The following MNAT1 variants were observed in gnomAD, a reference collection of about 807,000 sequenced individuals.
The protein encoded by MNAT1 is MNAT1 component of CDK activating kinase.
In MNAT1, 43 loss-of-function variants were observed where a neutral mutation model predicts 42.0. That is an observed-to-expected ratio of 1.02 (90% CI 0.80 to 1.32). The LOEUF is 1.32. MNAT1 is among the 40% of genes most tolerant of loss of function. The pLI is 0.00. For missense variants in MNAT1, 306 were observed against 350.4 expected (o/e 0.87, Z 1.01); for synonymous variants, 118 against 120.0 (o/e 0.98, Z 0.11).
intron 7 of MNAT1, among the ~76,000 whole-genome samples, chr14:60,929,166 A>ATATAT (rs1355535249): frequency 1.7e-4 from 18 of 106,644 alleles, no homozygotes; most frequent in African/African-American, 4.9e-4. Flanking sequence ...AAAAAAAAAA[A>ATATAT]AAAAATATAT....
At chr14:60,866,140 G>GA (rs1399113419) in intron 6 of MNAT1, among the ~76,000 whole-genome samples, 1 of 152,006 alleles carries the variant, frequency 6.6e-6, no homozygotes. Flanking sequence ...GAAAAATTTT[G>GA]AAACAGCATA....
intron 5 of MNAT1, among the ~76,000 whole-genome samples, chr14:60,817,321 G>C (rs142992729): frequency 5.7e-4 from 86 of 151,820 alleles, no homozygotes; most frequent in African/African-American, 2.0e-3. Flanking sequence ...CTTTGGTGTA[G>C]AATATAAAAG....
intron 7 of MNAT1, among the ~76,000 whole-genome samples, chr14:60,958,792 A>G (rs1435374838): frequency 6.6e-6 from 1 of 150,444 alleles, no homozygotes; most frequent in African/African-American, 2.4e-5. Context: ...GCCCACCACC[A>G]CGCCTGGCTA....
chr14:60,813,765 T>C (rs1302022324), intron 5 of MNAT1, among the ~76,000 whole-genome samples: 1 of 152,210 alleles, frequency 6.6e-6, no homozygotes, highest in Non-Finnish European at 1.5e-5. Context: ...AAAATGACTT[T>C]CATTTTCATA....
intron 6 of MNAT1, among the ~76,000 whole-genome samples, chr14:60,871,308 G>A (rs762071803): frequency 1.3e-5 from 2 of 152,120 alleles, no homozygotes; most frequent in Non-Finnish European, 2.9e-5. Flanking sequence ...ATACTTATAA[G>A]TGGAATTAAC....
intron 1 of MNAT1, among the ~76,000 whole-genome samples, chr14:60,769,159 A>G (rs2030952626): frequency 6.6e-6 from 1 of 151,836 alleles, no homozygotes; most frequent in Non-Finnish European, 1.5e-5. Context: ...GAATTTTGTC[A>G]TTCTTTTTCT....
chr14:60,873,180 AATC>A lies in MNAT1; in HGVS notation c.688-6533_688-6531del, dbSNP rs1262063103. Among the ~76,000 whole-genome samples the A allele has an allele frequency of 2.0e-5, 3 of 152,198 alleles. No homozygotes were observed. In the East Asian group the frequency reaches 5.8e-4, roughly 29 times the overall value. The stretch of plus-strand genomic sequence containing the variant: ...TTATTAAACATCTTAATTCTGTCTT[AATC>A]TTGAATAGCTCCCATCCACTTTATA... On this transcript the variant is annotated intron_variant, in intron 6 of 7. Coordinates refer to ENST00000261245, the MANE Select transcript of MNAT1 (RefSeq NM_002431.4).
At chr14:60,808,577 G>A (rs2032450660) in intron 4 of MNAT1, 149 bp downstream of exon 4, 1 of 498,426 alleles carries the variant, frequency 2.0e-6, no homozygotes, top group African/African-American at 2.0e-5. Flanking sequence ...TGCTGTATAG[G>A]TATGTAGGTA....
At chr14:60,826,103 G>C (rs1287513476) in intron 6 of MNAT1, among the ~76,000 whole-genome samples, 1 of 152,090 alleles carries the variant, frequency 6.6e-6, no homozygotes, top group Non-Finnish European at 1.5e-5. Context: ...CATAGGTAGG[G>C]TTCAGTCAGT....
At chr14:60,737,874 A>G (rs1397986085) in intron 1 of MNAT1, among the ~76,000 whole-genome samples, 2 of 146,352 alleles carry the variant, frequency 1.4e-5, no homozygotes, top group Non-Finnish European at 1.5e-5. Flanking sequence ...TTTGAGAAGG[A>G]GTCTCGCTCT....
intron 1 of MNAT1, among the ~76,000 whole-genome samples, chr14:60,774,874 A>C (rs1056168349): frequency 2.6e-5 from 4 of 152,192 alleles, no homozygotes. Context: ...GAAATAATCA[A>C]GTATTCTGCT....
chr14:60,903,143 G>A (rs1056715816), intron 7 of MNAT1, among the ~76,000 whole-genome samples: 12 of 128,944 alleles, frequency 9.3e-5, no homozygotes, highest in African/African-American at 2.5e-4. Context: ...GTGTTTTTTT[G>A]TATCACATAT....
intron 7 of MNAT1, among the ~76,000 whole-genome samples, chr14:60,917,632 G>GT (rs1173777464): frequency 0.048 from 6,783 of 141,952 alleles, 446 homozygotes; most frequent in African/African-American, 0.16. Flanking sequence ...TTTCTTTTTT[G>GT]TTTTTTTTTT....
rs556154705 is a variant in MNAT1 at position 60,837,721 on chromosome 14, G to A, written c.687+18874G>A. Reference sequence around the variant, plus strand: ...CAGAGCCTCTCCTAGATGCTGCCATGGTAGTTTGGAGCCTCCACTGAGTCC... The same window carrying A: ...CAGAGCCTCTCCTAGATGCTGCCATAGTAGTTTGGAGCCTCCACTGAGTCC... On this transcript the variant is annotated intron_variant, in intron 6 of 7. Transcript: ENST00000261245. 2.0e-5 allele frequency among the ~76,000 whole-genome samples: 3 copies of A among 152,314 alleles called. No homozygotes were observed. The East Asian group carries it at 5.8e-4, about 29-fold the overall frequency.
At chr14:60,950,439 C>T (rs1566576007) in intron 7 of MNAT1, among the ~76,000 whole-genome samples, 2 of 152,106 alleles carry the variant, frequency 1.3e-5, no homozygotes, top group Admixed American at 1.3e-4. Flanking sequence ...TTATTATAGA[C>T]GTTTTCTAAT....
intron 6 of MNAT1, among the ~76,000 whole-genome samples, chr14:60,845,266 A>G (rs2033654294): frequency 6.6e-6 from 1 of 151,800 alleles, no homozygotes; most frequent in African/African-American, 2.4e-5. Context: ...GTTTGTATAT[A>G]GGTTTTTTAT....
At chr14:60,854,855 A>T (rs2033915919) in intron 6 of MNAT1, among the ~76,000 whole-genome samples, 1 of 152,136 alleles carries the variant, frequency 6.6e-6, no homozygotes, top group East Asian at 1.9e-4. Context: ...TCTTGTCAGG[A>T]TCAGCTGCCC....
At chr14:60,888,437 G>A (rs1233648435) in intron 7 of MNAT1, among the ~76,000 whole-genome samples, 1 of 152,014 alleles carries the variant, frequency 6.6e-6, no homozygotes, top group Admixed American at 6.6e-5. Context: ...AGGTATTGAT[G>A]GGACATATCT....
intron 3 of MNAT1, among the ~76,000 whole-genome samples, chr14:60,802,681 G>C (rs550889620): frequency 6.6e-6 from 1 of 152,134 alleles, no homozygotes; most frequent in Non-Finnish European, 1.5e-5. Context: ...ATTTGATGTA[G>C]GAAGTGTGTT....
Sources: gnomAD v4.1 joint callset for allele counts (sites outside exome capture counted in the v4.1 genomes callset) on GRCh38, gnomAD v4.1.1 for gene constraint, MANE v1.5 for transcripts, NCBI Gene and HGNC (gene_info 2026-07-23, HGNC 2026-07-21) for gene names.